ARID4B: variants seen among roughly 807,000 people sequenced by gnomAD.
ARID4B encodes the protein AT-rich interaction domain 4B, also known as AT-rich interactive domain-containing protein 4B.
ARID4B carries 26 observed loss-of-function variants against 147.5 expected under a neutral mutation model. The observed-to-expected ratio is 0.18, with a 90% CI of 0.13 to 0.24. The LOEUF is 0.24. ARID4B is among the 10% of genes least tolerant of loss of function. The probability of loss-of-function intolerance (pLI) is 1.00; values close to 1 mark genes in which losing one functional copy is unlikely to be tolerated. For missense variants in ARID4B, 1,179 were observed against 1,511.5 expected (o/e 0.78, Z 3.65); for synonymous variants, 512 against 507.9 (o/e 1.01, Z -0.11).
chr1:235,201,911 A>G (rs1338479442), intron 17 of ARID4B, among the ~76,000 whole-genome samples: 2 of 151,134 alleles, frequency 1.3e-5, no homozygotes, highest in East Asian at 3.9e-4. Context: ...AAAATAAAAT[A>G]AAATAAATTG....
intron 17 of ARID4B, among the ~76,000 whole-genome samples, chr1:235,196,795 T>C (rs1367666508): frequency 1.4e-5 from 2 of 139,804 alleles, no homozygotes; most frequent in African/African-American, 5.5e-5. Context: ...GAGCTTGCAG[T>C]GAGCTGAGAT....
chr1:235,274,900 A>G (rs11801276), intron 2 of ARID4B, among the ~76,000 whole-genome samples: 140 of 152,328 alleles, frequency 9.2e-4, no homozygotes, highest in African/African-American at 3.2e-3. Context: ...CTGCAGACTT[A>G]TCTTTGAATT....
intron 6 of ARID4B, among the ~76,000 whole-genome samples, 165 bp from the exon 7 acceptor site, chr1:235,246,676 G>T (rs1669319171): frequency 6.6e-6 from 1 of 151,954 alleles, no homozygotes; most frequent in South Asian, 2.1e-4. Flanking sequence ...TAGTTTCAAA[G>T]ATATTAGAAT....
intron 23 of ARID4B, among the ~76,000 whole-genome samples, chr1:235,169,531 G>A (rs1260386886): frequency 6.9e-6 from 1 of 145,802 alleles, no homozygotes; most frequent in East Asian, 2.1e-4. Flanking sequence ...GTGAGCCACC[G>A]CGCCCAGCCT....
At chr1:235,169,284 AGGC>A (rs1663159297) in intron 23 of ARID4B, among the ~76,000 whole-genome samples, 1 of 150,760 alleles carries the variant, frequency 6.6e-6, no homozygotes, top group South Asian at 2.1e-4. Context: ...TCTGTCGCCC[AGGC>A]TGGAGTGCAG....
Position 235,194,208 on chromosome 1 carries a change from T to C in ARID4B, c.1930A>G (p.Lys644Glu), listed in dbSNP as rs1186501946. ...TCTTTGTCTTTTTCTTTGTCTAATT[T>C]ATTCTAGGTTAAGAAAAAAAGTATG... ...KIKHRKKIKN[K>E]LDKEKDKDEK... Residue 644 changes from lysine (K) to glutamate (E), a missense_variant, in exon 19 of 24, where the codon AAA becomes GAA. Transcript: ENST00000264183. 2 of 1,595,016 alleles carry C rather than the reference T, an allele frequency of 1.3e-6. No individual in the cohort carries two copies. Among genetic ancestry groups the C allele is most frequent in the Non-Finnish European group, 1.7e-6 (2 of 1,163,768 alleles).
chr1:235,212,147 C>T (rs898653170), intron 17 of ARID4B, among the ~76,000 whole-genome samples: 1 of 152,032 alleles, frequency 6.6e-6, no homozygotes, highest in Non-Finnish European at 1.5e-5. Context: ...CAGGAGGCTG[C>T]AGCACAAGAA....
chr1:235,319,567 T>C (rs1674681163), intron 2 of ARID4B, among the ~76,000 whole-genome samples: 2 of 152,190 alleles, frequency 1.3e-5, no homozygotes, highest in African/African-American at 4.8e-5. Context: ...TCTCATTTTT[T>C]TTAATTAAAA....
chr1:235,271,728 C>A (rs1301089663), intron 2 of ARID4B, among the ~76,000 whole-genome samples: 1 of 152,026 alleles, frequency 6.6e-6, no homozygotes, highest in Non-Finnish European at 1.5e-5. Flanking sequence ...GTGGGCAGAT[C>A]ACCTGAGGTA....
intron 2 of ARID4B, among the ~76,000 whole-genome samples, chr1:235,324,365 G>A (rs1249706605): frequency 6.6e-6 from 1 of 152,180 alleles, no homozygotes; most frequent in African/African-American, 2.4e-5. Context: ...ATATTAGACA[G>A]TAATGGGAAT....
chr1:235,290,722 G>A (rs187093639), intron 2 of ARID4B, among the ~76,000 whole-genome samples: 28 of 152,326 alleles, frequency 1.8e-4, no homozygotes, highest in East Asian at 5.8e-4. Context: ...GACCAGAGAC[G>A]GGGAGACAAC....
At chr1:235,248,096 T>C (rs1175874413) in intron 6 of ARID4B, among the ~76,000 whole-genome samples, 12 of 152,204 alleles carry the variant, frequency 7.9e-5, no homozygotes, top group African/African-American at 2.9e-4. Flanking sequence ...TCATTCAGGC[T>C]GGAGTGCAGT....
intron 15 of ARID4B, 24 bp downstream of exon 15, chr1:235,220,278 G>A (rs1287252277): frequency 1.3e-6 from 2 of 1,568,344 alleles, no homozygotes; most frequent in Middle Eastern, 3.5e-4. Flanking sequence ...GAAAGCAAAA[G>A]ACAATTAACA....
intron 12 of ARID4B, 92 bp downstream of exon 12, chr1:235,224,610 TA>T: frequency 1.2e-6 from 1 of 860,078 alleles, no homozygotes; most frequent in Non-Finnish European, 1.9e-6. Context: ...ACTGATGACA[TA>T]AAGTTCAGTA....
chr1:235,286,226 G>T (rs767605561), intron 2 of ARID4B, among the ~76,000 whole-genome samples: 40 of 152,124 alleles, frequency 2.6e-4, no homozygotes, highest in Non-Finnish European at 1.6e-4. Flanking sequence ...TAGAGACAGG[G>T]TCTCACTATG....
rs1489620045 is a variant in ARID4B, at chr1:235,324,542, CAACA to C, written c.6+2368_6+2371del. ...ATTTAAAGATTTGTTGTCGTTAATA[CAACA>C]GACAATTCAAACTTAAAAGCTTGCT... On this transcript the variant is annotated intron_variant, in intron 2 of 23. Transcript: ENST00000264183. Among the ~76,000 whole-genome samples the C allele has an allele frequency of 3.9e-5, 6 of 152,260 alleles. No individual in the cohort carries two copies. The South Asian group carries it at 1.0e-3, about 26-fold the overall frequency.
chr1:235,325,758 A>G (rs1372523429), intron 2 of ARID4B, among the ~76,000 whole-genome samples: 6 of 152,178 alleles, frequency 3.9e-5, no homozygotes, highest in Non-Finnish European at 7.4e-5. Flanking sequence ...TGTTTCAGGT[A>G]GTTTACAGCA....
intron 8 of ARID4B, among the ~76,000 whole-genome samples, chr1:235,237,994 T>C (rs1004087072): frequency 1.7e-4 from 26 of 151,708 alleles, no homozygotes; most frequent in Non-Finnish European, 2.5e-4. Flanking sequence ...CTACTAAAAA[T>C]ACAAAATTAG....
At chr1:235,287,557 A>T (rs1276255143) in intron 2 of ARID4B, among the ~76,000 whole-genome samples, 3 of 152,220 alleles carry the variant, frequency 2.0e-5, no homozygotes, top group African/African-American at 7.2e-5. Context: ...TAAAGTAATA[A>T]ACATGCATCA....
Sources: gnomAD v4.1 joint callset for allele counts (sites outside exome capture counted in the v4.1 genomes callset) on GRCh38, gnomAD v4.1.1 for gene constraint, MANE v1.5 for transcripts, NCBI Gene and HGNC (gene_info 2026-07-23, HGNC 2026-07-21) for gene names.